Variants in JAKMIP1 observed in about 807,000 individuals in gnomAD.
The protein encoded by JAKMIP1 is janus kinase and microtubule-interacting protein 1.
In JAKMIP1, 33 loss-of-function variants were observed where a neutral mutation model predicts 113.0. That is an observed-to-expected ratio of 0.29 (90% CI 0.22 to 0.39). The LOEUF is 0.39. JAKMIP1 is among the 10% of genes least tolerant of loss of function. The probability of loss-of-function intolerance (pLI) is 1.00; values close to 1 mark genes in which losing one functional copy is unlikely to be tolerated. For synonymous variants in JAKMIP1, 480 were observed against 459.9 expected, an observed-to-expected ratio of 1.04 and a Z score of -0.56; for missense variants, 813 against 1,080.5, an observed-to-expected ratio of 0.75 and a Z score of 3.47.
At position 6,088,616 on chromosome 4, in the gene JAKMIP1, G is replaced by A. The variant is rs1208491750; in HGVS notation, c.625-2987C>T. Among the ~76,000 whole-genome samples, 1 of 152,160 alleles carries A rather than the reference G, an allele frequency of 6.6e-6. No individual in the cohort carries two copies. Among genetic ancestry groups the A allele is most frequent in the East Asian group, 1.9e-4 (1 of 5,188 alleles). ...GATGGCATCTAGAAACGGACGGAGG[G>A]CCAATGCAGAACACATTCCGGAGCC... On this transcript the variant is annotated intron_variant, in intron 3 of 20. Transcript: ENST00000409021. This position sits in a 1 kb window ranked among gnomAD's most constrained non-coding sequence, Gnocchi z 5.5.
chr4:6,098,305 C>T (rs999726128), intron 3 of JAKMIP1, among the ~76,000 whole-genome samples: 6 of 152,068 alleles, frequency 3.9e-5, no homozygotes, highest in South Asian at 4.2e-4. Context: ...TAGTGGCAGG[C>T]GCCTGTAATC....
Position 6,137,293 on chromosome 4 carries a change from A to C in JAKMIP1, c.-147-24296T>G, listed in dbSNP as rs528799091. On this transcript the variant is annotated intron_variant, in intron 1 of 20. Coordinates refer to ENST00000409021, the MANE Select transcript of JAKMIP1 (RefSeq NM_001099433.2). The surrounding 1 kb of genome is among the most constrained non-coding windows in gnomAD (Gnocchi z 4.5). ...CGGGCTCACCAGGGCCCACTGAGCC[A>C]CAGCAGCCACAGTGGCTGCAAGACG... is the stretch of plus-strand genomic sequence containing the variant. Among the ~76,000 whole-genome samples the C allele has an allele frequency of 6.6e-6, 1 of 152,318 alleles. No individual in the cohort carries two copies. Among genetic ancestry groups the C allele is most frequent in the Admixed American group, 6.5e-5 (1 of 15,304 alleles).
rs1723757140 is a variant in JAKMIP1 at position 6,167,294 on chromosome 4, C to T, written c.-148+32959G>A. Among the ~76,000 whole-genome samples the T allele has an allele frequency of 6.6e-6, 1 of 152,106 alleles. No individual in the cohort carries two copies. Among genetic ancestry groups the T allele is most frequent in the African/African-American group, 2.4e-5 (1 of 41,442 alleles). ...TGTCCCATCAGAGCTGGGACTTCAT[C>T]TTTCATGTGGCTCCTCCTCCCCCTG... On this transcript the variant is annotated intron_variant, in intron 1 of 20. Coordinates refer to ENST00000409021, the MANE Select transcript of JAKMIP1 (RefSeq NM_001099433.2). The surrounding 1 kb of genome is among the most constrained non-coding windows in gnomAD (Gnocchi z 5.3).
At chr4:6,046,049 C>G (rs1714946175) in intron 16 of JAKMIP1, among the ~76,000 whole-genome samples, 1 of 152,220 alleles carries the variant, frequency 6.6e-6, no homozygotes, top group African/African-American at 2.4e-5. Flanking sequence ...TTGCAAACTT[C>G]CCTGCAGTGC....
At chr4:6,066,473 T>C (rs1397658349) in intron 8 of JAKMIP1, among the ~76,000 whole-genome samples, 6 of 152,114 alleles carry the variant, frequency 3.9e-5, no homozygotes, top group African/African-American at 1.4e-4. Context: ...GCATGGGGAA[T>C]ACGACTCTCC....
intron 3 of JAKMIP1, among the ~76,000 whole-genome samples, chr4:6,092,020 C>G (rs1722124560): frequency 6.6e-6 from 1 of 152,208 alleles, no homozygotes; most frequent in African/African-American, 2.4e-5. Flanking sequence ...CCTTTGGAAT[C>G]TCAGAGTCTT....
intron 3 of JAKMIP1, among the ~76,000 whole-genome samples, chr4:6,092,271 G>A (rs1722162076): frequency 6.6e-6 from 1 of 152,116 alleles, no homozygotes; most frequent in South Asian, 2.1e-4. Flanking sequence ...CAGTGAGAGG[G>A]GGCCAGTGTG....
intron 1 of JAKMIP1, among the ~76,000 whole-genome samples, chr4:6,122,304 C>T (rs993779144): frequency 1.8e-4 from 28 of 152,060 alleles, no homozygotes; most frequent in African/African-American, 1.4e-4. Flanking sequence ...CCAGCCTGGG[C>T]GACAGAGTGA....
At chr4:6,078,863 C>G in intron 8 of JAKMIP1, 76 bp downstream of exon 8, 1 of 1,459,802 alleles carries the variant, frequency 6.9e-7, no homozygotes, top group Non-Finnish European at 9.6e-7. Context: ...TAAAACCTCC[C>G]CACTCCACGA....
intron 1 of JAKMIP1, among the ~76,000 whole-genome samples, chr4:6,125,779 C>T (rs1450077798): frequency 2.3e-4 from 31 of 135,564 alleles, no homozygotes; most frequent in African/African-American, 4.4e-4. Flanking sequence ...ACACACCATG[C>T]AGAAACACAC....
Position 6,140,052 on chromosome 4 carries a change from G to A in JAKMIP1, c.-147-27055C>T, listed in dbSNP as rs1304674271. ...ATCCGTTTGTCTTGTGTATTCCATGGTACAGCGGCCCTAGGAAACGAATAT... is the reference window on the plus strand; with the variant it reads ...ATCCGTTTGTCTTGTGTATTCCATGATACAGCGGCCCTAGGAAACGAATAT... On this transcript the variant is annotated intron_variant, in intron 1 of 20. Transcript: ENST00000409021. This position sits in a 1 kb window ranked among gnomAD's most constrained non-coding sequence, Gnocchi z 9.4. 6.6e-6 allele frequency among the ~76,000 whole-genome samples: 1 copy of A among 152,066 alleles called. No individual in the cohort carries two copies. The highest frequency in any genetic ancestry group is 2.1e-4 in the South Asian group (1 of 4,832).
intron 1 of JAKMIP1, among the ~76,000 whole-genome samples, chr4:6,124,378 A>T (rs1027606855): frequency 3.3e-5 from 5 of 152,130 alleles, no homozygotes; most frequent in African/African-American, 1.2e-4. Flanking sequence ...CCTGGACCCA[A>T]TTCCACGCTT....
rs185188773 is a variant in JAKMIP1, at chr4:6,051,070, G to A, written c.1807-391C>T. On this transcript the variant is annotated intron_variant, in intron 13 of 20. Transcript: ENST00000409021. This position sits in a 1 kb window ranked among gnomAD's most constrained non-coding sequence, Gnocchi z 5.0. ...TCTGTGCCAGGCACACCACTCTCCC[G>A]TCTAATCCTCACACTACCCCAGGAG... is the stretch of plus-strand genomic sequence containing the variant. 5.3e-5 allele frequency among the ~76,000 whole-genome samples: 8 copies of A among 152,304 alleles called. No homozygotes were observed. The highest frequency in any genetic ancestry group is 1.4e-4 in the African/African-American group (6 of 41,554).
intron 3 of JAKMIP1, among the ~76,000 whole-genome samples, chr4:6,100,746 T>C (rs536334074): frequency 1.6e-4 from 24 of 151,386 alleles, no homozygotes; most frequent in African/African-American, 5.8e-4. Context: ...CTATTGTCTG[T>C]TTTTTTTTAA....
rs80264311 is a variant in JAKMIP1, at chr4:6,042,282, G to A, written c.2029-55C>T. 5.5e-4 allele frequency: 772 copies of A among 1,410,854 alleles called. 4 individuals carry two copies. The African/African-American group carries it at 9.5e-3, about 17-fold the overall frequency. 87.4% of individuals were successfully genotyped at this position (1,410,854 alleles called of 1,614,324 possible). A position where few individuals can be genotyped will look rare whatever the true frequency, so the allele number is the denominator to read the frequency against. On this transcript the variant is annotated intron_variant, in intron 16 of 20. Coordinates refer to ENST00000409021, the MANE Select transcript of JAKMIP1 (RefSeq NM_001099433.2). The surrounding 1 kb of genome is among the most constrained non-coding windows in gnomAD (Gnocchi z 5.2). ...AGCAAAGTGAGAGTCAGAACCCAAG[G>A]GGCTGTGGAATTTCACAGGTGTGTG...
intron 18 of JAKMIP1, among the ~76,000 whole-genome samples, chr4:6,037,901 T>G (rs111385582): frequency 2.1e-5 from 2 of 95,640 alleles, no homozygotes; most frequent in Non-Finnish European, 4.3e-5. Context: ...CCTCCATCAC[T>G]GAGGCAGAGG....
At chr4:6,046,234 T>G (rs1296426945) in intron 16 of JAKMIP1, among the ~76,000 whole-genome samples, 1 of 152,192 alleles carries the variant, frequency 6.6e-6, no homozygotes, top group Admixed American at 6.5e-5. Context: ...CCACCCCACA[T>G]GAAGGTCCAC....
chr4:6,085,216 C>T (rs912177728), intron 4 of JAKMIP1, among the ~76,000 whole-genome samples: 39 of 152,186 alleles, frequency 2.6e-4, no homozygotes, highest in African/African-American at 9.2e-4. Flanking sequence ...CCCCTCCCAC[C>T]CCGTATCTCT....
At chr4:6,123,288 AG>A (rs1716962290) in intron 1 of JAKMIP1, among the ~76,000 whole-genome samples, 1 of 152,196 alleles carries the variant, frequency 6.6e-6, no homozygotes, top group South Asian at 2.1e-4. Context: ...CCCCCGTCCC[AG>A]GGGCACAGCT....
Sources: allele counts gnomAD v4.1 joint callset (sites outside exome capture counted in the v4.1 genomes callset), GRCh38; gene constraint gnomAD v4.1.1; non-coding constraint Gnocchi (gnomAD v3.1); transcripts MANE v1.5; gene names NCBI Gene and HGNC (gene_info 2026-07-23, HGNC 2026-07-21).